Variants in EYS observed in about 807,000 individuals in gnomAD.
The protein encoded by EYS is EGF-like photoreceptor maintenance factor.
A neutral mutation model predicts 282.1 loss-of-function variants in EYS; 250 were observed. The observed-to-expected ratio is 0.89, with a 90% confidence interval of 0.80 to 0.98. EYS has a LOEUF of 0.98. EYS is among the 50% of genes least tolerant of loss of function. The pLI is 0.00. For missense variants in EYS, 4,016 were observed against 3,709.0 expected (o/e 1.08, Z -2.15); for synonymous variants, 1,355 against 1,282.9 (o/e 1.06, Z -1.20).
At chr6:64,148,556 C>A (rs1372619351) in intron 31 of EYS, among the ~76,000 whole-genome samples, 1 of 152,090 alleles carries the variant, frequency 6.6e-6, no homozygotes, top group Non-Finnish European at 1.5e-5. Context: ...GTGAATCAAT[C>A]AAATATTCCA....
intron 16 of EYS, among the ~76,000 whole-genome samples, chr6:64,908,468 G>C (rs1337417588): frequency 2.0e-5 from 3 of 152,040 alleles, no homozygotes; most frequent in East Asian, 3.9e-4. Flanking sequence ...TTGCCAGGGA[G>C]GGCAAAGGGC....
At chr6:64,717,377 CT>C (rs1771432240) in intron 22 of EYS, among the ~76,000 whole-genome samples, 1 of 152,186 alleles carries the variant, frequency 6.6e-6, no homozygotes, top group African/African-American at 2.4e-5. Context: ...TCAGCTCCAC[CT>C]TAGATCATCA....
chr6:64,049,413 A>G (rs1351051981), intron 33 of EYS, among the ~76,000 whole-genome samples: 2 of 152,160 alleles, frequency 1.3e-5, no homozygotes, highest in Non-Finnish European at 2.9e-5. Flanking sequence ...CATGCTTATC[A>G]CTACAGTTAA....
At chr6:63,999,345 T>C (rs1371995421) in intron 33 of EYS, among the ~76,000 whole-genome samples, 162 bp from the exon 34 acceptor site, 1 of 152,232 alleles carries the variant, frequency 6.6e-6, no homozygotes, top group Non-Finnish European at 1.5e-5. Flanking sequence ...TTCAAGTAGA[T>C]AAAAGATGTA....
intron 23 of EYS, among the ~76,000 whole-genome samples, chr6:64,620,194 G>A (rs1767400173): frequency 6.6e-6 from 1 of 152,146 alleles, no homozygotes. Context: ...TCTGGAAGAT[G>A]TCCCCTCAGT....
At chr6:65,327,738 C>CA (rs1425617586) in intron 11 of EYS, among the ~76,000 whole-genome samples, 4 of 151,468 alleles carry the variant, frequency 2.6e-5, no homozygotes, top group South Asian at 2.1e-4. Context: ...TATTTCTATA[C>CA]AAAAAATACT....
intron 40 of EYS, among the ~76,000 whole-genome samples, chr6:63,772,012 AGT>A (rs1432386826): frequency 6.6e-6 from 1 of 152,152 alleles, no homozygotes; most frequent in Non-Finnish European, 1.5e-5. Context: ...CCTAGAGCTG[AGT>A]GTACAATTCT....
At chr6:64,005,526 G>T (rs1273797000) in intron 33 of EYS, among the ~76,000 whole-genome samples, 1 of 152,044 alleles carries the variant, frequency 6.6e-6, no homozygotes, top group African/African-American at 2.4e-5. Context: ...TGGTGTCTTT[G>T]TCATGAAATC....
At chr6:65,102,206 C>A (rs2150183839) in intron 12 of EYS, among the ~76,000 whole-genome samples, 1 of 151,412 alleles carries the variant, frequency 6.6e-6, no homozygotes, top group African/African-American at 2.4e-5. Context: ...TATTTGATTT[C>A]TATTCTATAC....
chr6:65,000,954 G>T (rs372042176), intron 13 of EYS, among the ~76,000 whole-genome samples: 2 of 152,336 alleles, frequency 1.3e-5, no homozygotes, highest in East Asian at 1.9e-4. Context: ...TGCGACAGGG[G>T]TGTGGCTGGC....
At chr6:64,866,054 G>T (rs1045256153) in intron 19 of EYS, among the ~76,000 whole-genome samples, 5 of 151,944 alleles carry the variant, frequency 3.3e-5, no homozygotes, top group African/African-American at 4.8e-5. Context: ...TTTATTACCA[G>T]AAACTACTTC....
At chr6:65,430,135 T>C (rs77978033) in intron 5 of EYS, among the ~76,000 whole-genome samples, 3 of 152,224 alleles carry the variant, frequency 2.0e-5, no homozygotes, top group South Asian at 2.1e-4. Flanking sequence ...TCCATCAATC[T>C]TCCCCCCTCT....
intron 2 of EYS, among the ~76,000 whole-genome samples, chr6:65,570,972 C>T (rs1257951921): frequency 6.6e-6 from 1 of 152,018 alleles, no homozygotes; most frequent in East Asian, 1.9e-4. Context: ...TACACATGTA[C>T]ATTTGTTTCT....
At chr6:64,120,130 G>A (rs1773528006) in intron 31 of EYS, among the ~76,000 whole-genome samples, 1 of 151,568 alleles carries the variant, frequency 6.6e-6, no homozygotes, top group Admixed American at 6.6e-5. Context: ...GGCAGATCAC[G>A]AGGTCAGGAG....
At chr6:63,744,572 T>TC (rs202124144) in intron 41 of EYS, 16 of 151,928 alleles carry the variant, frequency 1.1e-4, no homozygotes, top group Middle Eastern at 3.4e-3. Flanking sequence ...TTTCTTTCTT[T>TC]TTTTTTTTTT....
chr6:64,155,733 T>G (rs993437285), intron 31 of EYS, among the ~76,000 whole-genome samples: 1 of 152,184 alleles, frequency 6.6e-6, no homozygotes, highest in Non-Finnish European at 1.5e-5. Flanking sequence ...TGATCGTTTA[T>G]TTAAAATGTG....
intron 22 of EYS, among the ~76,000 whole-genome samples, chr6:64,772,645 C>T (rs1490585982): frequency 2.6e-5 from 4 of 151,782 alleles, no homozygotes; most frequent in African/African-American, 7.2e-5. Flanking sequence ...ACTATCCCTA[C>T]GTACTCTGCC....
intron 33 of EYS, among the ~76,000 whole-genome samples, chr6:64,040,091 A>G (rs573394280): frequency 6.6e-6 from 1 of 152,332 alleles, no homozygotes; most frequent in South Asian, 2.1e-4. Context: ...ATCAGTTCCA[A>G]GTTAGAACTG....
intron 33 of EYS, among the ~76,000 whole-genome samples, chr6:64,021,260 C>A (rs1769177878): frequency 1.3e-5 from 2 of 151,938 alleles, no homozygotes; most frequent in African/African-American, 4.8e-5. Context: ...TGAGCATTTT[C>A]TTAAGCCAGG....
Sources: allele counts gnomAD v4.1 joint callset (sites outside exome capture counted in the v4.1 genomes callset), GRCh38; gene constraint gnomAD v4.1.1; transcripts MANE v1.5; gene names NCBI Gene and HGNC (gene_info 2026-07-23, HGNC 2026-07-21).